The following ATP9B variants were observed in gnomAD, a reference collection of about 807,000 sequenced individuals.
ATP9B encodes the protein ATPase phospholipid transporting 9B.
ATP9B carries 110 observed loss-of-function variants against 146.1 expected under a neutral mutation model. The ratio of observed to expected loss-of-function variants is 0.75; its 90% CI spans 0.65 to 0.88. The LOEUF (loss-of-function observed/expected upper bound fraction) is 0.88. ATP9B is among the 40% of genes least tolerant of loss of function. The pLI is 0.00. For missense variants in ATP9B, 1,499 were observed against 1,496.4 expected, an observed-to-expected ratio of 1.00 and a Z score of -0.03; for synonymous variants, 604 against 569.7, an observed-to-expected ratio of 1.06 and a Z score of -0.86.
intron 8 of ATP9B, among the ~76,000 whole-genome samples, chr18:79,183,806 GA>G (rs2095277408): frequency 1.5e-5 from 2 of 134,014 alleles, no homozygotes; most frequent in African/African-American, 5.7e-5. Context: ...AAAAAAAAAA[GA>G]AAAACAGTAA....
Position 79,329,257 on chromosome 18 carries a change from GT to G in ATP9B, c.1893del (p.Phe633SerfsTer24). Reference protein sequence around the residue: ...QVLSFCILQLFPFTSESKRMG... With the variant: ...QVLSFCILQLXPFTSESKRMG... ...TCCTCAGCTTCTGCATTCTGCAGCT[GT>G]TTCCCTTCACCTCCGAGAGCAAGCG... On this transcript the variant is annotated frameshift_variant, in exon 16 of 30. Transcript: ENST00000426216. LOFTEE classifies it high-confidence loss of function. 1 of 1,612,682 alleles carries G rather than the reference GT, an allele frequency of 6.2e-7. No individual in the cohort carries two copies. Among genetic ancestry groups the G allele is most frequent in the Non-Finnish European group, 8.5e-7 (1 of 1,179,610 alleles).
chr18:79,101,954 T>C (rs1279277964), intron 2 of ATP9B, among the ~76,000 whole-genome samples: 3 of 151,050 alleles, frequency 2.0e-5, no homozygotes, highest in East Asian at 3.9e-4. Context: ...TTATTTTTTT[T>C]CTTTTTTTTG....
chr18:79,170,549 A>G (rs1190452970), intron 7 of ATP9B, among the ~76,000 whole-genome samples: 1 of 152,232 alleles, frequency 6.6e-6, no homozygotes, highest in African/African-American at 2.4e-5. Flanking sequence ...CTCTGGGTTT[A>G]TAATATGATT....
At chr18:79,164,124 C>T (rs1422340469) in intron 7 of ATP9B, among the ~76,000 whole-genome samples, 6 of 152,224 alleles carry the variant, frequency 3.9e-5, no homozygotes, top group African/African-American at 7.2e-5. Context: ...GGGGTTTTCT[C>T]GTGTTGCCCA....
rs868671684 is a variant in ATP9B, at chr18:79,374,269, C to T, written c.3274+168C>T. On this transcript the variant is annotated intron_variant, in intron 28 of 29. Transcript: ENST00000426216. ...TGCACCACGGATGAAGGCGCTGAGCCCCGTCGGTCACTGGCTGGCCGGTCC... is the reference window on the plus strand; with the variant it reads ...TGCACCACGGATGAAGGCGCTGAGCTCCGTCGGTCACTGGCTGGCCGGTCC... 18 of 767,384 alleles carry T rather than the reference C, an allele frequency of 2.3e-5. 1 individual carries two copies. Among genetic ancestry groups the T allele is most frequent in the South Asian group, 2.0e-4 (11 of 55,098 alleles). 47.5% of individuals were successfully genotyped at this position (767,384 alleles called of 1,614,324 possible). A position where few individuals can be genotyped will look rare whatever the true frequency, so the allele number is the denominator to read the frequency against.
Position 79,298,951 on chromosome 18 carries a change from A to C in ATP9B, c.1412-4653A>C. Among the ~76,000 whole-genome samples, 2 of 112,808 alleles carry C rather than the reference A, an allele frequency of 1.8e-5. 1 individual carries two copies. Among genetic ancestry groups the C allele is most frequent in the Non-Finnish European group, 4.0e-5 (2 of 50,088 alleles). The allele number at this position is 112,808 out of a possible 152,430, so 74.0% of individuals were successfully genotyped here. A position where few individuals can be genotyped will look rare whatever the true frequency, so the allele number is the denominator to read the frequency against. ...CTCCCTGAGCAAGGCAGTCAGCCTGAGCTGCTCTTCGAGGTCTTGGATCCG... is the reference window on the plus strand; with the variant it reads ...CTCCCTGAGCAAGGCAGTCAGCCTGCGCTGCTCTTCGAGGTCTTGGATCCG... On this transcript the variant is annotated intron_variant, in intron 13 of 29. Coordinates refer to ENST00000426216, the MANE Select transcript of ATP9B (RefSeq NM_198531.5).
chr18:79,103,433 G>A (rs1476573463), intron 2 of ATP9B, among the ~76,000 whole-genome samples: 2 of 152,096 alleles, frequency 1.3e-5, no homozygotes, highest in Non-Finnish European at 2.9e-5. Flanking sequence ...CCACACAGAA[G>A]GATGATGTTC....
chr18:79,315,381 A>G (rs1002161614), intron 15 of ATP9B, among the ~76,000 whole-genome samples: 18 of 152,236 alleles, frequency 1.2e-4, no homozygotes, highest in Admixed American at 2.0e-4. Flanking sequence ...GAGAATAAAT[A>G]CTACGTAGCC....
chr18:79,348,568 G>A (rs1036784649), intron 25 of ATP9B, among the ~76,000 whole-genome samples: 3 of 152,232 alleles, frequency 2.0e-5, no homozygotes, highest in African/African-American at 7.2e-5. Context: ...ATCCTGTTGT[G>A]CGGCGTGGCC....
intron 11 of ATP9B, among the ~76,000 whole-genome samples, chr18:79,245,631 G>C (rs1216857758): frequency 8.0e-6 from 1 of 125,598 alleles, no homozygotes; most frequent in East Asian, 2.3e-4. Context: ...GACTGGGGAG[G>C]GTACCGCCCT....
intron 12 of ATP9B, among the ~76,000 whole-genome samples, chr18:79,260,821 A>C (rs140915817): frequency 1.0e-3 from 159 of 152,370 alleles, no homozygotes; most frequent in African/African-American, 3.4e-3. Flanking sequence ...ACTGAGACAC[A>C]GTTCTTCTAT....
At chr18:79,082,929 C>T (rs192391431) in intron 1 of ATP9B, among the ~76,000 whole-genome samples, 10 of 152,186 alleles carry the variant, frequency 6.6e-5, no homozygotes, top group East Asian at 1.9e-4. Flanking sequence ...AGAGCTCAAG[C>T]GCTGTGCTGG....
chr18:79,103,285 TAAGAAA>T (rs2075418163), intron 2 of ATP9B, among the ~76,000 whole-genome samples: 3 of 149,614 alleles, frequency 2.0e-5, no homozygotes, highest in Non-Finnish European at 1.5e-5. Flanking sequence ...TTTTTTTTTT[TAAGAAA>T]TCTATCTTGT....
At chr18:79,119,779 T>TG (rs1310941199) in intron 4 of ATP9B, among the ~76,000 whole-genome samples, 1 of 152,226 alleles carries the variant, frequency 6.6e-6, no homozygotes, top group African/African-American at 2.4e-5. Flanking sequence ...TAACAAATGA[T>TG]GAATAGTATG....
At chr18:79,134,899 C>A (rs2094430323) in intron 5 of ATP9B, among the ~76,000 whole-genome samples, 1 of 152,070 alleles carries the variant, frequency 6.6e-6, no homozygotes, top group Non-Finnish European at 1.5e-5. Context: ...CTACTCATTC[C>A]CCATATAAGT....
chr18:79,222,688 C>G (rs577918562), intron 11 of ATP9B, among the ~76,000 whole-genome samples: 1 of 152,160 alleles, frequency 6.6e-6, no homozygotes, highest in East Asian at 1.9e-4. Context: ...TTCCCGCCTC[C>G]TAGTGCTTAT....
intron 2 of ATP9B, among the ~76,000 whole-genome samples, chr18:79,100,048 A>G (rs1248364909): frequency 2.0e-5 from 3 of 152,108 alleles, no homozygotes; most frequent in African/African-American, 7.2e-5. Flanking sequence ...AATCACTTGA[A>G]CCCAGGAGGC....
At chr18:79,194,059 GCCTATTT>G (rs1326903737) in intron 9 of ATP9B, among the ~76,000 whole-genome samples, 1 of 152,154 alleles carries the variant, frequency 6.6e-6, no homozygotes, top group Non-Finnish European at 1.5e-5. Flanking sequence ...TTTTGTAGCT[GCCTATTT>G]CCATAGGTGC....
chr18:79,200,114 G>A lies in ATP9B; in HGVS notation c.955-6823G>A, dbSNP rs573684670. Among the ~76,000 whole-genome samples the A allele has an allele frequency of 1.1e-4, 16 of 152,192 alleles. No individual in the cohort carries two copies. The South Asian group carries it at 1.7e-3, about 16-fold the overall frequency. Reference sequence around the variant, plus strand: ...TATGCACTAGACTTTCATGACTGGCGGCCCAGTAGTTTTGTTTTCACCACC... The same window carrying A: ...TATGCACTAGACTTTCATGACTGGCAGCCCAGTAGTTTTGTTTTCACCACC... On this transcript the variant is annotated intron_variant, in intron 9 of 29. Transcript: ENST00000426216.
Sources: gnomAD v4.1 joint callset for allele counts (sites outside exome capture counted in the v4.1 genomes callset) on GRCh38, gnomAD v4.1.1 for gene constraint, MANE v1.5 for transcripts, NCBI Gene and HGNC (gene_info 2026-07-23, HGNC 2026-07-21) for gene names.